Variants in SDK1 observed in about 807,000 individuals in gnomAD.
The protein encoded by SDK1 is sidekick cell adhesion molecule 1, also known as protein sidekick-1.
SDK1 carries 157 observed loss-of-function variants against 245.5 expected under a neutral mutation model. The observed-to-expected ratio is 0.64, with a 90% CI of 0.56 to 0.73. The LOEUF is 0.73. Ranked by LOEUF, SDK1 falls within the 30% of genes least tolerant of loss-of-function variation. The pLI is 0.00. For missense variants in SDK1, 3,583 were observed against 3,002.3 expected (o/e 1.19, Z -4.52); for synonymous variants, 1,647 against 1,278.5 (o/e 1.29, Z -6.15).
intron 1 of SDK1, among the ~76,000 whole-genome samples, chr7:3,356,099 T>A (rs1000059807): frequency 6.6e-6 from 1 of 152,206 alleles, no homozygotes; most frequent in Non-Finnish European, 1.5e-5. Flanking sequence ...TGAATTCCCA[T>A]GTCAGCCTCA....
chr7:3,344,284 T>G (rs775426246), intron 1 of SDK1, among the ~76,000 whole-genome samples: 1 of 152,222 alleles, frequency 6.6e-6, no homozygotes, highest in Non-Finnish European at 1.5e-5. Context: ...TCTGAATCAT[T>G]AAGTATACAG....
intron 3 of SDK1, among the ~76,000 whole-genome samples, chr7:3,641,292 C>T (rs1047748113): frequency 6.6e-6 from 1 of 152,086 alleles, no homozygotes; most frequent in Non-Finnish European, 1.5e-5. Flanking sequence ...TCAAATGTTA[C>T]AAATTTTAAA....
At chr7:3,530,825 G>C (rs1033025235) in intron 1 of SDK1, among the ~76,000 whole-genome samples, 3 of 152,160 alleles carry the variant, frequency 2.0e-5, no homozygotes, top group African/African-American at 7.2e-5. Flanking sequence ...CAATTTGTGT[G>C]ATAACATATT....
At chr7:3,310,613 C>T (rs188356203) in intron 1 of SDK1, among the ~76,000 whole-genome samples, 2 of 152,254 alleles carry the variant, frequency 1.3e-5, no homozygotes, top group Admixed American at 1.3e-4. Flanking sequence ...CACCTCTGGG[C>T]AGCATGATCA....
intron 4 of SDK1, among the ~76,000 whole-genome samples, chr7:3,739,342 G>A (rs1399698323): frequency 6.6e-6 from 1 of 152,166 alleles, no homozygotes; most frequent in East Asian, 1.9e-4. Flanking sequence ...TATTAAATTT[G>A]GTAAGTTTAC....
At chr7:4,190,763 G>A (rs1783153234) in intron 35 of SDK1, among the ~76,000 whole-genome samples, 2 of 152,248 alleles carry the variant, frequency 1.3e-5, no homozygotes, top group South Asian at 4.1e-4. Context: ...CGCTATCCCG[G>A]GACAGCCTCT....
Position 3,806,633 on chromosome 7 carries a change from A to AAACGCCTGTGGAGAAATGTG in SDK1, c.714-14815_714-14796dup, listed in dbSNP as rs771049957. On this transcript the variant is annotated intron_variant, in intron 4 of 44. Transcript: ENST00000404826. ...TTACATACTGCTTGTGGCAAACCTA[A>AAACGCCTGTGGAGAAATGTG]AACGCCTGTGGAGAAATGTGACGAG... 1.8e-3 allele frequency among the ~76,000 whole-genome samples: 281 copies of AAACGCCTGTGGAGAAATGTG among 152,316 alleles called. 1 individual carries two copies. Among genetic ancestry groups the AAACGCCTGTGGAGAAATGTG allele is most frequent in the Non-Finnish European group, 3.1e-3 (214 of 68,022 alleles).
chr7:4,079,550 A>T lies in SDK1; in HGVS notation c.3290A>T (p.Lys1097Ile). The change falls in exon 22 of 45, where the codon AAA (lysine) becomes ATA (isoleucine). Residue 1097 changes from lysine (K) to isoleucine (I), a missense_variant. By Grantham distance (102) the Lys-to-Ile change is moderately radical. Transcript: ENST00000404826. ...TLQFRPGYDG[K>I]TSISRWIVEG... ...CAGTTCCGGCCAGGCTATGACGGGA[A>T]AACGTCCATCTCCAGGTGGATTGTT... The T allele has an allele frequency of 6.2e-7, 1 of 1,614,224 alleles. No homozygotes were observed. Among genetic ancestry groups the T allele is most frequent in the Non-Finnish European group, 8.5e-7 (1 of 1,180,038 alleles).
chr7:4,152,719 C>T (rs1360522196), intron 30 of SDK1, among the ~76,000 whole-genome samples: 1 of 152,220 alleles, frequency 6.6e-6, no homozygotes, highest in African/African-American at 2.4e-5. Flanking sequence ...TTGTACACTG[C>T]CACAGTATAA....
intron 12 of SDK1, 28 bp from the exon 13 acceptor site, chr7:3,974,341 A>T: frequency 6.3e-7 from 1 of 1,592,322 alleles, no homozygotes; most frequent in South Asian, 1.1e-5. Flanking sequence ...TGGGGTTTGT[A>T]ACTCAAGACC....
At chr7:3,922,280 G>A (rs1369013103) in intron 5 of SDK1, among the ~76,000 whole-genome samples, 1 of 152,200 alleles carries the variant, frequency 6.6e-6, no homozygotes, top group East Asian at 1.9e-4. Flanking sequence ...GCAGGATTCA[G>A]TCGGGATGTG....
rs879355233 is a variant in SDK1, at chr7:3,324,143, G to A, written c.298+22259G>A. Reference sequence around the variant, plus strand: ...TTTTCTCCTTTTTCACATTGCTGTCGTAGGGTCAGATTCATTTTTCATGGT... The same window carrying A: ...TTTTCTCCTTTTTCACATTGCTGTCATAGGGTCAGATTCATTTTTCATGGT... On this transcript the variant is annotated intron_variant, in intron 1 of 44. Transcript: ENST00000404826. 5.3e-5 allele frequency among the ~76,000 whole-genome samples: 8 copies of A among 152,178 alleles called. No homozygotes were observed. In the East Asian group the frequency reaches 5.8e-4, roughly 11 times the overall value.
chr7:4,188,477 G>A (rs1251570460), intron 35 of SDK1, among the ~76,000 whole-genome samples: 2 of 152,010 alleles, frequency 1.3e-5, no homozygotes, highest in African/African-American at 4.8e-5. Flanking sequence ...ATTTCTTAGA[G>A]CTTCTTATAT....
At chr7:4,160,566 CA>C (rs1781048832) in intron 31 of SDK1, among the ~76,000 whole-genome samples, 1 of 152,224 alleles carries the variant, frequency 6.6e-6, no homozygotes. Context: ...AGACTCTCTC[CA>C]GGGGTTGGGG....
intron 1 of SDK1, among the ~76,000 whole-genome samples, chr7:3,410,061 T>C (rs1329193178): frequency 6.6e-6 from 1 of 152,162 alleles, no homozygotes; most frequent in Admixed American, 6.5e-5. Flanking sequence ...ATGAAATGAA[T>C]TGATATATAT....
rs1371651726 is a variant in SDK1, at chr7:3,601,023, C to CT, written c.299-18050dup. Among the ~76,000 whole-genome samples, 4 of 151,934 alleles carry CT rather than the reference C, an allele frequency of 2.6e-5. No individual in the cohort carries two copies. In the East Asian group the frequency reaches 5.8e-4, roughly 22 times the overall value. On this transcript the variant is annotated intron_variant, in intron 1 of 44. Coordinates refer to ENST00000404826, the MANE Select transcript of SDK1 (RefSeq NM_152744.4). ...ATCCCATTGATGTGGTAGATTCTTTCTTTTTTTGTTTTTTGAATGTTGAAC... is the reference window on the plus strand; with the variant it reads ...ATCCCATTGATGTGGTAGATTCTTTCTTTTTTTTGTTTTTTGAATGTTGAAC...
intron 1 of SDK1, among the ~76,000 whole-genome samples, chr7:3,487,243 A>G (rs1000768347): frequency 1.3e-5 from 2 of 152,194 alleles, no homozygotes; most frequent in African/African-American, 4.8e-5. Flanking sequence ...AATATCGTAT[A>G]TGTCTGTTAA....
intron 1 of SDK1, among the ~76,000 whole-genome samples, chr7:3,535,887 T>C (rs1211657538): frequency 6.6e-6 from 1 of 152,162 alleles, no homozygotes; most frequent in Non-Finnish European, 1.5e-5. Flanking sequence ...ACTATATCAT[T>C]TTTTCTCACA....
chr7:3,852,342 G>T (rs1289249052), intron 5 of SDK1, among the ~76,000 whole-genome samples: 1 of 152,072 alleles, frequency 6.6e-6, no homozygotes, highest in African/African-American at 2.4e-5. Context: ...GATATGTGCT[G>T]CATTGCTGTG....
Sources: gnomAD v4.1 joint callset for allele counts (sites outside exome capture counted in the v4.1 genomes callset) on GRCh38, gnomAD v4.1.1 for gene constraint, MANE v1.5 for transcripts, NCBI Gene and HGNC (gene_info 2026-07-23, HGNC 2026-07-21) for gene names.